GLP2R: variants seen among roughly 807,000 people sequenced by gnomAD.
The protein encoded by GLP2R is glucagon like peptide 2 receptor, also known as glucagon-like peptide 2 receptor.
GLP2R carries 59 observed loss-of-function variants against 68.2 expected under a neutral mutation model. The observed-to-expected ratio is 0.87, with a 90% CI of 0.70 to 1.07. The LOEUF (loss-of-function observed/expected upper bound fraction) is 1.07. Ranked by LOEUF, GLP2R falls within the 50% of genes least tolerant of loss-of-function variation. The probability of loss-of-function intolerance (pLI) is 0.00; values close to 1 mark genes in which losing one functional copy is unlikely to be tolerated. For missense variants in GLP2R, 548 were observed against 677.4 expected, an observed-to-expected ratio of 0.81 and a Z score of 2.12; for synonymous variants, 270 against 265.4, an observed-to-expected ratio of 1.02 and a Z score of -0.17.
intron 1 of GLP2R, among the ~76,000 whole-genome samples, chr17:9,828,244 T>A (rs1277593378): frequency 6.6e-6 from 1 of 152,194 alleles, no homozygotes; most frequent in Non-Finnish European, 1.5e-5. Flanking sequence ...TTTCATGGAA[T>A]TCTTGCCATC....
rs1471126639 is a variant in GLP2R, at chr17:9,880,451, G to A, written c.1219G>A (p.Asp407Asn). ...HEILFSFITD[D>N]QVEGFAKLIR... ...GATCCTCTTCTCTTTCATCACTGAT[G>A]ATCAAGTTGAAGGATTTGCAAAACT... The change falls in exon 11 of 13, where the codon GAT becomes AAT. Residue 407 changes from aspartate to asparagine, a missense_variant. Coordinates refer to ENST00000262441, the MANE Select transcript of GLP2R (RefSeq NM_004246.3). 2 of 1,600,160 alleles carry A rather than the reference G, an allele frequency of 1.2e-6. No individual in the cohort carries two copies. Among genetic ancestry groups the A allele is most frequent in the South Asian group, 2.2e-5 (2 of 89,576 alleles).
intron 1 of GLP2R, among the ~76,000 whole-genome samples, chr17:9,829,119 A>C (rs1490399325): frequency 6.6e-6 from 1 of 152,170 alleles, no homozygotes; most frequent in African/African-American, 2.4e-5. Context: ...ACTTAATGAG[A>C]AATTCTCAGG....
intron 2 of GLP2R, among the ~76,000 whole-genome samples, chr17:9,835,796 T>C (rs1419224746): frequency 6.6e-6 from 1 of 151,986 alleles, no homozygotes; most frequent in Non-Finnish European, 1.5e-5. Context: ...ATCCCAGCAC[T>C]TTGGGAAGCC....
chr17:9,832,890 C>T (rs1186538923), intron 1 of GLP2R, among the ~76,000 whole-genome samples: 4 of 152,154 alleles, frequency 2.6e-5, no homozygotes, highest in Non-Finnish European at 5.9e-5. Context: ...AAGGAAAAAA[C>T]TCCCAACTCC....
chr17:9,875,269 G>T (rs2067133469), intron 10 of GLP2R, among the ~76,000 whole-genome samples: 1 of 152,112 alleles, frequency 6.6e-6, no homozygotes. Flanking sequence ...GCACCCCTCA[G>T]CTCCTCAGCT....
chr17:9,871,574 C>A (rs2067093193), intron 10 of GLP2R, among the ~76,000 whole-genome samples: 1 of 152,136 alleles, frequency 6.6e-6, no homozygotes, highest in African/African-American at 2.4e-5. Context: ...ATCTCACCTT[C>A]CTCTTTCTGA....
chr17:9,852,881 T>C (rs8078808), intron 4 of GLP2R: 259,107 of 433,120 alleles, frequency 0.6, 79,718 homozygotes, highest in East Asian at 0.8. Flanking sequence ...TTGCTACCAC[T>C]TCCAGGGGCA....
chr17:9,877,574 T>C lies in GLP2R; in HGVS notation c.1146-2804T>C, dbSNP rs560334081. Among the ~76,000 whole-genome samples, 8 of 152,250 alleles carry C rather than the reference T, an allele frequency of 5.3e-5. No homozygotes were observed. The East Asian group carries it at 1.5e-3, about 29-fold the overall frequency. ...GTTTCTTAGTTTTGACAAACGGGCA[T>C]GGTTATGTAGTATGCTAACATTAGG... On this transcript the variant is annotated intron_variant, in intron 10 of 12. Transcript: ENST00000262441.
chr17:9,859,831 A>G, intron 6 of GLP2R, 111 bp from the exon 7 acceptor site: 1 of 569,760 alleles, frequency 1.8e-6, no homozygotes, highest in South Asian at 3.5e-5. Context: ...AAAAAAAAAA[A>G]AAAAAAAAAA....
rs542169705 is a variant in GLP2R at position 9,880,414 on chromosome 17, G to T, written c.1182G>T (p.Leu394Phe). ...AKSTLVLIPL[L>F]GVHEILFSFI... ...CAACACTGGTCCTCATTCCTTTATT[G>T]GGCGTTCATGAGATCCTCTTCTCTT... Residue 394 changes from leucine (L) to phenylalanine (F), a missense_variant, in exon 11 of 13, where the codon TTG (leucine) becomes TTT (phenylalanine). Coordinates refer to ENST00000262441, the MANE Select transcript of GLP2R (RefSeq NM_004246.3). The T allele has an allele frequency of 3.1e-6, 5 of 1,599,548 alleles. No homozygotes were observed. Among genetic ancestry groups the T allele is most frequent in the Non-Finnish European group, 4.3e-6 (5 of 1,168,978 alleles).
chr17:9,883,778 G>A (rs747575790), intron 11 of GLP2R, among the ~76,000 whole-genome samples: 1 of 152,092 alleles, frequency 6.6e-6, no homozygotes, highest in Non-Finnish European at 1.5e-5. Flanking sequence ...TCAAGATAAA[G>A]GTGAAATAAA....
Position 9,825,943 on chromosome 17 carries a change from T to C in GLP2R, c.-121T>C. On this transcript the variant is annotated 5_prime_UTR_variant, in exon 1 of 13. Coordinates refer to ENST00000262441, the MANE Select transcript of GLP2R (RefSeq NM_004246.3). ...CGCCTCAGACACTCTCGGCGCAGCG[T>C]GGAGAGGATTTGTGCAAACATTTCC... is the stretch of plus-strand genomic sequence containing the variant. The C allele has an allele frequency of 1.3e-6, 1 of 791,822 alleles. No individual in the cohort carries two copies. The highest frequency in any genetic ancestry group is 2.0e-6 in the Non-Finnish European group (1 of 492,464). 49.0% of individuals were successfully genotyped at this position (791,822 alleles called of 1,614,324 possible).
chr17:9,874,443 A>T (rs1164035693), intron 10 of GLP2R, among the ~76,000 whole-genome samples: 2 of 152,158 alleles, frequency 1.3e-5, no homozygotes, highest in Admixed American at 1.3e-4. Flanking sequence ...AAGGGATCAC[A>T]TGAGGCTAGG....
At chr17:9,874,084 C>T (rs184364542) in intron 10 of GLP2R, among the ~76,000 whole-genome samples, 127 of 152,126 alleles carry the variant, frequency 8.3e-4, no homozygotes, top group African/African-American at 2.9e-3. Flanking sequence ...TTTAAGAGGA[C>T]AGATAAAAAT....
At position 9,857,522 on chromosome 17, in the gene GLP2R, C is replaced by T; in HGVS notation, c.711C>T (p.Asn237=). The T allele has an allele frequency of 6.2e-7, 1 of 1,614,138 alleles. No individual in the cohort carries two copies. The highest frequency in any genetic ancestry group is 1.1e-5 in the South Asian group (1 of 91,074). The part of the protein sequence containing the change: ...AVLVKDVVFY[N]SYSKRPDNEN... ...TGGTGAAGGACGTCGTCTTCTACAA[C>T]TCTTACTCCAAGAGGCCTGACAATG... Residue 237 remains asparagine (N), a synonymous_variant, in exon 6 of 13, where the codon AAC becomes AAT. Coordinates refer to ENST00000262441, the MANE Select transcript of GLP2R (RefSeq NM_004246.3).
At chr17:9,883,908 A>G (rs2067218935) in intron 11 of GLP2R, among the ~76,000 whole-genome samples, 2 of 152,240 alleles carry the variant, frequency 1.3e-5, no homozygotes, top group African/African-American at 4.8e-5. Flanking sequence ...ACTCAAATCC[A>G]CATGAAGAAA....
In GLP2R at chr17:9,826,207, T is replaced by C. The variant is rs1452555662; in HGVS notation, c.144T>C (p.Pro48=). 1.2e-6 allele frequency: 2 copies of C among 1,612,472 alleles called. No homozygotes were observed. Among genetic ancestry groups the C allele is most frequent in the African/African-American group, 2.7e-5 (2 of 74,970 alleles). Residue 48 remains proline, a synonymous_variant, in exon 1 of 13, where the codon CCT becomes CCC. Transcript: ENST00000262441. ...SFHRKCSLWA[P]GRPFLTLVLL... is the part of the protein sequence containing the mutation. ...ACAGGAAGTGCTCTCTCTGGGCCCC[T>C]GGGAGGCCCTTCCTCACTCTGGTCC... is the stretch of plus-strand genomic sequence containing the variant.
At chr17:9,887,662 T>C (rs1214438808) in intron 11 of GLP2R, among the ~76,000 whole-genome samples, 4 of 152,184 alleles carry the variant, frequency 2.6e-5, no homozygotes, top group African/African-American at 4.8e-5. Context: ...CATTGACCCA[T>C]GTGCACCTGT....
chr17:9,886,295 A>G (rs1804913042), intron 11 of GLP2R, among the ~76,000 whole-genome samples: 1 of 152,204 alleles, frequency 6.6e-6, no homozygotes, highest in Non-Finnish European at 1.5e-5. Context: ...AACAGCGGTG[A>G]CATATGAAGT....
Sources: gnomAD v4.1 joint callset for allele counts (sites outside exome capture counted in the v4.1 genomes callset) on GRCh38, gnomAD v4.1.1 for gene constraint, MANE v1.5 for transcripts, NCBI Gene and HGNC (gene_info 2026-07-23, HGNC 2026-07-21) for gene names.